Variants in GIGYF2 observed in about 807,000 individuals in gnomAD.
GIGYF2 encodes GRB10-interacting GYF protein 2.
In GIGYF2, 25 loss-of-function variants were observed where a neutral mutation model predicts 208.1. The ratio of observed to expected loss-of-function variants is 0.12; its 90% confidence interval spans 0.09 to 0.17. GIGYF2 has a LOEUF of 0.17. Ranked by LOEUF, GIGYF2 falls within the 10% of genes least tolerant of loss-of-function variation. The pLI is 1.00. For synonymous variants in GIGYF2, 534 were observed against 543.8 expected, an observed-to-expected ratio of 0.98 and a Z score of 0.25; for missense variants, 1,302 against 1,579.4, an observed-to-expected ratio of 0.82 and a Z score of 2.98.
chr2:232,700,986 C>G (rs908034042), intron 1 of GIGYF2, among the ~76,000 whole-genome samples: 5 of 152,024 alleles, frequency 3.3e-5, no homozygotes, highest in African/African-American at 1.2e-4. Context: ...TGTTTCTTGA[C>G]CAAATATTGT....
chr2:232,709,790 C>T (rs941956130), intron 2 of GIGYF2, among the ~76,000 whole-genome samples: 2 of 151,842 alleles, frequency 1.3e-5, no homozygotes, highest in East Asian at 3.9e-4. Context: ...GCCTGGGCAA[C>T]AGAGCAAGAC....
intron 2 of GIGYF2, among the ~76,000 whole-genome samples, chr2:232,706,945 CAAAAAAAAA>C (rs10612508): frequency 9.1e-6 from 1 of 109,470 alleles, no homozygotes; most frequent in East Asian, 2.7e-4. Flanking sequence ...GACCTTGTCT[CAAAAAAAAA>C]AAAAAAAAAA....
At chr2:232,768,489 G>A (rs773815103) in intron 8 of GIGYF2, 12 of 1,614,150 alleles carry the variant, frequency 7.4e-6, no homozygotes, top group Non-Finnish European at 1.0e-5. Flanking sequence ...AAAGTGAGAA[G>A]GATTTTCATG....
chr2:232,710,932 C>G (rs982863198), intron 2 of GIGYF2, among the ~76,000 whole-genome samples: 1 of 151,744 alleles, frequency 6.6e-6, no homozygotes, highest in Non-Finnish European at 1.5e-5. Flanking sequence ...AACTCCTGAC[C>G]TCAGGTGATC....
Position 232,791,290 on chromosome 2 carries a change from T to C in GIGYF2, c.1126T>C (p.Ser376Pro), listed in dbSNP as rs185920066. Residue 376 changes from serine to proline, a missense_variant, in exon 12 of 29, where the codon TCA becomes CCA. Around this residue, in one of 8 missense-constraint regions of GIGYF2, gnomAD observed 235 missense variants for 218.8 expected, o/e 1.07. Coordinates refer to ENST00000373563, the MANE Select transcript of GIGYF2 (RefSeq NM_001103146.3). ...ASEETPQTSS[S>P]SARPGTPSDH... ...TGAGGAAACTCCCCAGACCTCATCA[T>C]CATCTGCTAGACCAGGTACTCCTTC... is the stretch of plus-strand genomic sequence containing the variant. 1.8e-5 allele frequency: 29 copies of C among 1,614,098 alleles called. No individual in the cohort carries two copies. In the Admixed American group the frequency reaches 3.0e-4, roughly 17 times the overall value.
chr2:232,703,351 A>T (rs1256561262), intron 1 of GIGYF2, 73 bp from the exon 2 acceptor site: 1 of 152,632 alleles, frequency 6.6e-6, no homozygotes, highest in African/African-American at 2.4e-5. Flanking sequence ...TATATTTATG[A>T]TGAAAGATTG....
rs186482454 is a variant in GIGYF2, at chr2:232,762,335, C to G, written c.532+899C>G. On this transcript the variant is annotated intron_variant, in intron 8 of 28. Coordinates refer to ENST00000373563, the MANE Select transcript of GIGYF2 (RefSeq NM_001103146.3). Reference sequence around the variant, plus strand: ...TGGTGTGGTCTCGGCTCACTGCAACCTATGCCTCCCGGGTTCAAGTGAATC... The same window carrying G: ...TGGTGTGGTCTCGGCTCACTGCAACGTATGCCTCCCGGGTTCAAGTGAATC... 1.5e-3 allele frequency among the ~76,000 whole-genome samples: 231 copies of G among 150,772 alleles called. 3 individuals are homozygous for G. The highest frequency in any genetic ancestry group is 5.0e-3 in the African/African-American group (203 of 40,958).
At chr2:232,751,278 A>G (rs981129673) in intron 5 of GIGYF2, among the ~76,000 whole-genome samples, 6 of 152,324 alleles carry the variant, frequency 3.9e-5, no homozygotes, top group Middle Eastern at 3.4e-3. Context: ...GCAGTGTCAC[A>G]GTCTCGGCTC....
intron 27 of GIGYF2, among the ~76,000 whole-genome samples, chr2:232,847,861 A>G (rs934732258): frequency 3.9e-5 from 6 of 152,208 alleles, no homozygotes; most frequent in African/African-American, 1.2e-4. Flanking sequence ...AAACCCATAG[A>G]TCTGGTTTTG....
intron 9 of GIGYF2, among the ~76,000 whole-genome samples, chr2:232,787,576 G>A (rs566717275): frequency 6.6e-5 from 10 of 152,152 alleles, no homozygotes; most frequent in East Asian, 5.8e-4. Flanking sequence ...AAGCACCTGC[G>A]CTCAACTGCA....
At chr2:232,773,071 C>T (rs1340560257) in intron 8 of GIGYF2, among the ~76,000 whole-genome samples, 2 of 151,830 alleles carry the variant, frequency 1.3e-5, no homozygotes, top group Admixed American at 6.6e-5. Flanking sequence ...GGTTAGATGG[C>T]GATTTCAGTT....
intron 1 of GIGYF2, among the ~76,000 whole-genome samples, chr2:232,701,910 A>G (rs1695863102): frequency 6.6e-6 from 1 of 152,170 alleles, no homozygotes; most frequent in African/African-American, 2.4e-5. Context: ...GTTTACACCT[A>G]TAATCCCGGC....
intron 18 of GIGYF2, among the ~76,000 whole-genome samples, chr2:232,813,692 A>G (rs1262255336): frequency 1.3e-5 from 2 of 152,070 alleles, no homozygotes; most frequent in Non-Finnish European, 2.9e-5. Context: ...CCCGCAGATT[A>G]TTGCAGAAGG....
chr2:232,735,190 G>T lies in GIGYF2; in HGVS notation c.-8G>T. On this transcript the variant is annotated 5_prime_UTR_variant, in exon 3 of 29. Coordinates refer to ENST00000373563, the MANE Select transcript of GIGYF2 (RefSeq NM_001103146.3). Reference sequence around the variant, plus strand: ...ATATAAAAATCTATTGTAAAAATACGGAAAAGAATGGCAGCGGAAACGCAG... The same window carrying T: ...ATATAAAAATCTATTGTAAAAATACTGAAAAGAATGGCAGCGGAAACGCAG... 3 of 1,593,908 alleles carry T rather than the reference G, an allele frequency of 1.9e-6. No homozygotes were observed. Among genetic ancestry groups the T allele is most frequent in the Non-Finnish European group, 2.6e-6 (3 of 1,161,760 alleles).
intron 23 of GIGYF2, chr2:232,843,066 T>C (rs1701867507): frequency 2.6e-5 from 4 of 151,912 alleles, no homozygotes; most frequent in Admixed American, 2.6e-4. Context: ...ACATTGGTTC[T>C]CATTATTTAT....
At chr2:232,776,271 C>A in intron 8 of GIGYF2, 2 of 488,828 alleles carry the variant, frequency 4.1e-6, no homozygotes, top group Non-Finnish European at 7.3e-6. Flanking sequence ...GCTGTTATTG[C>A]ATTTTTAAGA....
At position 232,791,401 on chromosome 2, in the gene GIGYF2, C is replaced by A; in HGVS notation, c.1237C>A (p.Arg413=). ...AACGGAAAAAGCTGAAGAGGAGACT[C>A]GGATGGAAAATAGTCTACCAGCCAA... ...EQTEKAEEET[R]MENSLPAKVP... Residue 413 remains arginine, a synonymous_variant, in exon 12 of 29, where the codon CGG becomes AGG. Coordinates refer to ENST00000373563, the MANE Select transcript of GIGYF2 (RefSeq NM_001103146.3). 6.2e-7 allele frequency: 1 copy of A among 1,613,938 alleles called. No individual in the cohort carries two copies. Among genetic ancestry groups the A allele is most frequent in the Non-Finnish European group, 8.5e-7 (1 of 1,179,954 alleles).
chr2:232,741,349 C>G (rs1461310114), intron 3 of GIGYF2, among the ~76,000 whole-genome samples: 1 of 152,068 alleles, frequency 6.6e-6, no homozygotes, highest in African/African-American at 2.4e-5. Context: ...TTCTCTGAAT[C>G]TCTATTGCTA....
intron 14 of GIGYF2, among the ~76,000 whole-genome samples, chr2:232,804,095 T>C (rs1700480642): frequency 6.6e-6 from 1 of 152,180 alleles, no homozygotes; most frequent in African/African-American, 2.4e-5. Context: ...CAGTTTAATC[T>C]TCTTTTAAAA....
Sources: allele counts gnomAD v4.1 joint callset (sites outside exome capture counted in the v4.1 genomes callset), GRCh38; gene constraint gnomAD v4.1.1; regional missense constraint gnomAD v4.1.1; transcripts MANE v1.5; gene names NCBI Gene and HGNC (gene_info 2026-07-23, HGNC 2026-07-21).